Variants in KIAA1549L observed in about 807,000 individuals in gnomAD.
The protein encoded by KIAA1549L is UPF0606 protein KIAA1549L.
KIAA1549L carries 88 observed loss-of-function variants against 160.7 expected under a neutral mutation model. That is an observed-to-expected ratio of 0.55 (90% CI 0.46 to 0.65). The LOEUF (loss-of-function observed/expected upper bound fraction) is 0.65. Ranked by LOEUF, KIAA1549L falls within the 30% of genes least tolerant of loss-of-function variation. KIAA1549L has a pLI of 0.00. For missense variants in KIAA1549L, 2,258 were observed against 2,437.5 expected (o/e 0.93, Z 1.55); for synonymous variants, 950 against 976.7 (o/e 0.97, Z 0.51).
intron 1 of KIAA1549L, among the ~76,000 whole-genome samples, chr11:33,398,274 T>TAA (rs543914338): frequency 1.2e-4 from 16 of 137,290 alleles, no homozygotes; most frequent in South Asian, 4.7e-4. Context: ...TTCAAAAATG[T>TAA]AAAAAAAAAA....
intron 1 of KIAA1549L, among the ~76,000 whole-genome samples, chr11:33,477,816 A>C (rs143522758): frequency 6.6e-6 from 1 of 151,204 alleles, no homozygotes; most frequent in East Asian, 2.0e-4. Flanking sequence ...CTGATCTACC[A>C]TGGTGCTTAA....
At chr11:33,397,712 A>T (rs1297375170) in intron 1 of KIAA1549L, among the ~76,000 whole-genome samples, 7 of 5,900 alleles carry the variant, frequency 1.2e-3, no homozygotes, top group East Asian at 4.5e-3. Flanking sequence ...ACTCCATCTC[A>T]CACACACACA....
chr11:33,427,625 T>G (rs1294583947), intron 1 of KIAA1549L, among the ~76,000 whole-genome samples: 2 of 152,180 alleles, frequency 1.3e-5, no homozygotes, highest in East Asian at 3.9e-4. Flanking sequence ...TTTTCTTAAT[T>G]GAGGTGAAAT....
chr11:33,655,614 C>T (rs987925286), intron 17 of KIAA1549L, among the ~76,000 whole-genome samples: 2 of 152,126 alleles, frequency 1.3e-5, no homozygotes, highest in African/African-American at 4.8e-5. Context: ...AAACAAGCAA[C>T]CATATAAAGT....
At chr11:33,517,575 G>C (rs1312240738) in intron 1 of KIAA1549L, among the ~76,000 whole-genome samples, 1 of 152,152 alleles carries the variant, frequency 6.6e-6, no homozygotes, top group African/African-American at 2.4e-5. Flanking sequence ...GGTTCATATA[G>C]ACTGAATTAA....
At chr11:33,435,786 A>ATGTGTG (rs1287703565) in intron 1 of KIAA1549L, among the ~76,000 whole-genome samples, 1 of 18,970 alleles carries the variant, frequency 5.3e-5, no homozygotes. Flanking sequence ...ATATATATAT[A>ATGTGTG]TATATATATA....
intron 17 of KIAA1549L, among the ~76,000 whole-genome samples, chr11:33,651,051 C>A (rs545771690): frequency 1.3e-5 from 2 of 152,192 alleles, no homozygotes; most frequent in South Asian, 4.1e-4. Context: ...TCCTCTCTGG[C>A]TCTCCTCTCC....
chr11:33,629,297 T>C (rs1851208936), intron 16 of KIAA1549L, among the ~76,000 whole-genome samples: 1 of 152,160 alleles, frequency 6.6e-6, no homozygotes, highest in Non-Finnish European at 1.5e-5. Context: ...AGTATCTTTG[T>C]GGTGTTCTCT....
intron 16 of KIAA1549L, among the ~76,000 whole-genome samples, chr11:33,635,697 G>A (rs751051417): frequency 1.6e-4 from 5 of 30,412 alleles, no homozygotes; most frequent in Admixed American, 3.6e-4. Context: ...ATTCATTTTA[G>A]ACAAAACTGT....
At chr11:33,629,232 A>G (rs1590414346) in intron 16 of KIAA1549L, among the ~76,000 whole-genome samples, 1 of 151,928 alleles carries the variant, frequency 6.6e-6, no homozygotes, top group East Asian at 1.9e-4. Context: ...TTTTTCCTTC[A>G]TTTCAACTTT....
intron 1 of KIAA1549L, among the ~76,000 whole-genome samples, chr11:33,445,199 T>C (rs763364444): frequency 2.0e-5 from 3 of 152,136 alleles, no homozygotes; most frequent in Non-Finnish European, 2.9e-5. Context: ...AGGGCACCAT[T>C]CTTTGATATC....
At chr11:33,547,929 G>C (rs1320863746) in intron 4 of KIAA1549L, 50 bp downstream of exon 4, 7 of 1,184,242 alleles carry the variant, frequency 5.9e-6, no homozygotes, top group Non-Finnish European at 8.7e-6. Context: ...TCTGGCTCTT[G>C]GGTCTAGAAT....
intron 1 of KIAA1549L, among the ~76,000 whole-genome samples, chr11:33,436,392 C>T (rs1439600133): frequency 6.6e-6 from 1 of 152,164 alleles, no homozygotes; most frequent in East Asian, 1.9e-4. Flanking sequence ...ACTACTGTCC[C>T]AGCTTGAAGG....
At chr11:33,572,039 C>CTT (rs144288511) in intron 9 of KIAA1549L, among the ~76,000 whole-genome samples, 2 of 144,130 alleles carry the variant, frequency 1.4e-5, no homozygotes. Context: ...TTATTATGAA[C>CTT]TTTTTTTTTT....
chr11:33,464,996 G>A (rs1028272010), intron 1 of KIAA1549L, among the ~76,000 whole-genome samples: 79 of 149,130 alleles, frequency 5.3e-4, no homozygotes, highest in African/African-American at 1.9e-3. Flanking sequence ...GGTTCTCTCT[G>A]CTGAAACATC....
At chr11:33,500,357 G>C (rs1425074028) in intron 1 of KIAA1549L, among the ~76,000 whole-genome samples, 2 of 152,152 alleles carry the variant, frequency 1.3e-5, no homozygotes, top group Non-Finnish European at 2.9e-5. Flanking sequence ...CTCTCAAAAA[G>C]TGCCTGGCAC....
intron 4 of KIAA1549L, among the ~76,000 whole-genome samples, chr11:33,550,218 T>A (rs959974303): frequency 2.6e-5 from 4 of 151,790 alleles, no homozygotes; most frequent in Non-Finnish European, 2.9e-5. Context: ...TTTACCACAA[T>A]AAAAACTTGG....
intron 1 of KIAA1549L, among the ~76,000 whole-genome samples, chr11:33,409,938 G>A (rs1189540590): frequency 6.6e-6 from 1 of 151,978 alleles, no homozygotes; most frequent in Non-Finnish European, 1.5e-5. Flanking sequence ...AATCCACAAG[G>A]GAGTCTGGGC....
intron 1 of KIAA1549L, among the ~76,000 whole-genome samples, chr11:33,491,240 G>GC (rs902612412): frequency 6.6e-6 from 1 of 152,204 alleles, no homozygotes; most frequent in African/African-American, 2.4e-5. Flanking sequence ...ACCATCAAGG[G>GC]CATAGCATGT....
Sources: gnomAD v4.1 joint callset for allele counts (sites outside exome capture counted in the v4.1 genomes callset) on GRCh38, gnomAD v4.1.1 for gene constraint, MANE v1.5 for transcripts, NCBI Gene and HGNC (gene_info 2026-07-23, HGNC 2026-07-21) for gene names.